Variants in CSMD1 observed in about 807,000 individuals in gnomAD.
The protein encoded by CSMD1 is CUB and sushi domain-containing protein 1.
Under a neutral mutation model 417.5 loss-of-function variants are expected in CSMD1, and 213 were observed. That is an observed-to-expected ratio of 0.51 (90% confidence interval 0.46 to 0.57). CSMD1 has a LOEUF of 0.57. Among genes scored for constraint, CSMD1 ranks in the 20% least tolerant of loss-of-function variants. CSMD1 has a pLI of 0.00. For synonymous variants in CSMD1, 2,862 were observed against 1,736.8 expected (o/e 1.65, Z -16.11); for missense variants, 6,923 against 4,529.7 (o/e 1.53, Z -15.17).
rs117379423 is a variant in CSMD1, at chr8:4,449,418, G to A, written c.303-29353C>T. Among the ~76,000 whole-genome samples the A allele has an allele frequency of 8.3e-4, 127 of 152,236 alleles. No individual in the cohort carries two copies. In the East Asian group the frequency reaches 8.7e-3, roughly 10 times the overall value. Reference sequence around the variant, plus strand: ...TACTGTGGCTATGTTTAGAATAGCCGTGTAGAAGTTCATATTTTTCCCCAA... The same window carrying A: ...TACTGTGGCTATGTTTAGAATAGCCATGTAGAAGTTCATATTTTTCCCCAA... On this transcript the variant is annotated intron_variant, in intron 2 of 69. Coordinates refer to ENST00000635120, the MANE Select transcript of CSMD1 (RefSeq NM_033225.6).
intron 3 of CSMD1, among the ~76,000 whole-genome samples, chr8:4,217,016 T>G (rs926376306): frequency 2.6e-5 from 4 of 152,218 alleles, no homozygotes; most frequent in African/African-American, 9.6e-5. Flanking sequence ...GTCTTGTGTC[T>G]CTTAAAGGAT....
At chr8:4,388,971 C>G (rs780837982) in intron 3 of CSMD1, among the ~76,000 whole-genome samples, 2 of 152,190 alleles carry the variant, frequency 1.3e-5, no homozygotes, top group Non-Finnish European at 2.9e-5. Flanking sequence ...ACCTCACACA[C>G]TTGTAACATA....
intron 7 of CSMD1, among the ~76,000 whole-genome samples, chr8:3,669,568 T>C (rs1798880960): frequency 6.6e-6 from 1 of 152,200 alleles, no homozygotes; most frequent in African/African-American, 2.4e-5. Context: ...GAGGGGAATG[T>C]AGCCTGAATG....
intron 1 of CSMD1, among the ~76,000 whole-genome samples, chr8:4,711,672 A>G (rs201999299): frequency 6.0e-4 from 1 of 1,674 alleles, no homozygotes; most frequent in East Asian, 0.12. Flanking sequence ...AGGTAAATTT[A>G]AAAAAAAAAT....
chr8:4,947,010 A>C (rs1174011219), intron 1 of CSMD1, among the ~76,000 whole-genome samples: 1 of 152,220 alleles, frequency 6.6e-6, no homozygotes, highest in African/African-American at 2.4e-5. Flanking sequence ...AATGCTAAAC[A>C]ATCAGCAAAA....
At chr8:3,785,151 C>G (rs937252587) in intron 5 of CSMD1, among the ~76,000 whole-genome samples, 1 of 152,176 alleles carries the variant, frequency 6.6e-6, no homozygotes, top group Admixed American at 6.5e-5. Flanking sequence ...TTTAACTTCT[C>G]TTGGCCTTAG....
chr8:3,888,981 C>G (rs900167234), intron 5 of CSMD1, among the ~76,000 whole-genome samples: 1 of 151,968 alleles, frequency 6.6e-6, no homozygotes, highest in Non-Finnish European at 1.5e-5. Flanking sequence ...AAACTTTATC[C>G]TTTATGACCA....
At chr8:4,144,562 G>A (rs1289884669) in intron 3 of CSMD1, among the ~76,000 whole-genome samples, 2 of 150,940 alleles carry the variant, frequency 1.3e-5, no homozygotes, top group Non-Finnish European at 2.9e-5. Context: ...TCTCCTAATT[G>A]TTATCTGGAT....
intron 3 of CSMD1, among the ~76,000 whole-genome samples, chr8:4,070,956 A>T (rs1193370829): frequency 6.6e-6 from 1 of 152,180 alleles, no homozygotes; most frequent in Non-Finnish European, 1.5e-5. Flanking sequence ...TTGATGTAAA[A>T]TCAGCAATAA....
chr8:3,271,712 G>A (rs1439664738), intron 26 of CSMD1, among the ~76,000 whole-genome samples: 1 of 151,992 alleles, frequency 6.6e-6, no homozygotes, highest in Non-Finnish European at 1.5e-5. Flanking sequence ...GTGTTTTTTG[G>A]CTGCATAAAT....
At chr8:4,305,141 T>G (rs1563422836) in intron 3 of CSMD1, among the ~76,000 whole-genome samples, 1 of 152,186 alleles carries the variant, frequency 6.6e-6, no homozygotes, top group Non-Finnish European at 1.5e-5. Context: ...ATACATGCAT[T>G]GGTATCTATT....
chr8:3,993,615 T>C (rs560229126), intron 5 of CSMD1, among the ~76,000 whole-genome samples: 18 of 152,306 alleles, frequency 1.2e-4, no homozygotes, highest in East Asian at 3.9e-4. Context: ...TAAACTTCCA[T>C]ACACCAGATA....
At chr8:4,045,197 G>A (rs1418534851) in intron 3 of CSMD1, among the ~76,000 whole-genome samples, 2 of 152,138 alleles carry the variant, frequency 1.3e-5, no homozygotes, top group Non-Finnish European at 2.9e-5. Context: ...ACTCATCTCT[G>A]AGGAACCCAC....
chr8:4,574,539 G>T (rs1429747073), intron 2 of CSMD1, among the ~76,000 whole-genome samples: 3 of 152,142 alleles, frequency 2.0e-5, no homozygotes, highest in Admixed American at 2.0e-4. Context: ...TGGTCTCACT[G>T]GGAGCTGCAG....
Position 3,412,029 on chromosome 8 carries a change from TATATACAC to T in CSMD1, c.1562-2432_1562-2425del, listed in dbSNP as rs1431320656. Among the ~76,000 whole-genome samples, 2 of 81,264 alleles carry T rather than the reference TATATACAC, an allele frequency of 2.5e-5. 1 individual carries two copies. Among genetic ancestry groups the T allele is most frequent in the Non-Finnish European group, 4.8e-5 (2 of 42,040 alleles). 53.3% of individuals were successfully genotyped at this position (81,264 alleles called of 152,430 possible). On this transcript the variant is annotated intron_variant, in intron 12 of 69. Coordinates refer to ENST00000635120, the MANE Select transcript of CSMD1 (RefSeq NM_033225.6). ...GTATATATATACATATACACACGTA[TATATACAC>T]ATATATACACGTATATATACACACG...
At chr8:4,157,249 G>A (rs919642034) in intron 3 of CSMD1, among the ~76,000 whole-genome samples, 3 of 152,168 alleles carry the variant, frequency 2.0e-5, no homozygotes, top group South Asian at 2.1e-4. Context: ...AACAGGGCCC[G>A]TTTGTCTACA....
At chr8:3,888,083 T>C (rs1806685234) in intron 5 of CSMD1, among the ~76,000 whole-genome samples, 1 of 152,190 alleles carries the variant, frequency 6.6e-6, no homozygotes, top group East Asian at 1.9e-4. Flanking sequence ...TTTTCTGCAA[T>C]ATCATTAATT....
rs762148019 is a variant in CSMD1 at position 3,142,678 on chromosome 8, T to G, written c.6032-4A>C. On this transcript the variant is annotated splice_polypyrimidine_tract_variant and splice_region_variant and intron_variant, in intron 40 of 69. Coordinates refer to ENST00000635120, the MANE Select transcript of CSMD1 (RefSeq NM_033225.6). ...TTCAGAAACTGAATATGTGCACCTATGGAAAAACATGCAAACTTAATGAAA... is the reference window on the plus strand; with the variant it reads ...TTCAGAAACTGAATATGTGCACCTAGGGAAAAACATGCAAACTTAATGAAA... 5.0e-6 allele frequency: 8 copies of G among 1,599,556 alleles called. No individual in the cohort carries two copies. Among genetic ancestry groups the G allele is most frequent in the Non-Finnish European group, 6.9e-6 (8 of 1,166,796 alleles).
In CSMD1 at chr8:3,705,750, G is replaced by C. The variant is rs117887864; in HGVS notation, c.1009+2664C>G. Among the ~76,000 whole-genome samples the C allele has an allele frequency of 4.6e-5, 7 of 152,274 alleles. No individual in the cohort carries two copies. In the South Asian group the frequency reaches 8.3e-4, roughly 18 times the overall value. On this transcript the variant is annotated intron_variant, in intron 7 of 69. Coordinates refer to ENST00000635120, the MANE Select transcript of CSMD1 (RefSeq NM_033225.6). ...TCTGCAAGAGAGGTTTGTGTGCTTGGATCTAATCTCTAGAATCTCAAGAAC... is the reference window on the plus strand; with the variant it reads ...TCTGCAAGAGAGGTTTGTGTGCTTGCATCTAATCTCTAGAATCTCAAGAAC...
Sources: gnomAD v4.1 joint callset for allele counts (sites outside exome capture counted in the v4.1 genomes callset) on GRCh38, gnomAD v4.1.1 for gene constraint, MANE v1.5 for transcripts, NCBI Gene and HGNC (gene_info 2026-07-23, HGNC 2026-07-21) for gene names.